The following TMEM184A variants were observed in gnomAD, a reference collection of about 807,000 sequenced individuals.
TMEM184A encodes the protein sexually dimorphic, expressed in male gonads 1.
Under a neutral mutation model 39.5 loss-of-function variants are expected in TMEM184A, and 40 were observed. The ratio of observed to expected loss-of-function variants is 1.01; its 90% CI spans 0.79 to 1.32. The LOEUF is 1.32. Ranked by LOEUF, TMEM184A falls within the 40% of genes most tolerant of loss-of-function variation. The probability of loss-of-function intolerance (pLI) is 0.00; values close to 1 mark genes in which losing one functional copy is unlikely to be tolerated. For missense variants in TMEM184A, 603 were observed against 568.8 expected, an observed-to-expected ratio of 1.06 and a Z score of -0.61; for synonymous variants, 280 against 252.3, an observed-to-expected ratio of 1.11 and a Z score of -1.04.
At position 1,544,570 on chromosome 7, in the gene TMEM184A, CCCCCTCGAGG is replaced by C. The variant is rs1784283269; in HGVS notation, c.*2372_*2381del. The C allele has an allele frequency of 1.3e-5, 2 of 152,400 alleles. No homozygotes were observed. Among genetic ancestry groups the C allele is most frequent in the Non-Finnish European group, 2.9e-5 (2 of 68,122 alleles). 9.4% of individuals were successfully genotyped at this position (152,400 alleles called of 1,614,324 possible). A position where few individuals can be genotyped will look rare whatever the true frequency, so the allele number is the denominator to read the frequency against. ...CCTCCCGCTCACATGCGCCCACGCT[CCCCCTCGAGG>C]CAGGTTGAGCCCCGGCCTGGACCGC... On this transcript the variant is annotated 3_prime_UTR_variant, in exon 9 of 9. Transcript: ENST00000297477.
rs1346520955 is a variant in TMEM184A at position 1,542,617 on chromosome 7, G to A, written c.*4335C>T. ...GAGCTGGGCCGGGGAAGCACGGTGTGTTCTGCTTTTCTTTTCAGATTGTTG... is the reference window on the plus strand; with the variant it reads ...GAGCTGGGCCGGGGAAGCACGGTGTATTCTGCTTTTCTTTTCAGATTGTTG... On this transcript the variant is annotated 3_prime_UTR_variant, in exon 9 of 9. Transcript: ENST00000297477. 6.6e-6 allele frequency: 1 copy of A among 152,438 alleles called. No individual in the cohort carries two copies. Among genetic ancestry groups the A allele is most frequent in the African/African-American group, 2.4e-5 (1 of 41,598 alleles). 9.4% of individuals were successfully genotyped at this position (152,438 alleles called of 1,614,324 possible). A position where few individuals can be genotyped will look rare whatever the true frequency, so the allele number is the denominator to read the frequency against.
At chr7:1,550,016 C>G in intron 5 of TMEM184A, 71 bp from the exon 6 acceptor site, 1 of 1,598,202 alleles carries the variant, frequency 6.3e-7, no homozygotes, top group Non-Finnish European at 8.5e-7. Context: ...ATTGGGGCAG[C>G]CAGCAATGAG....
At chr7:1,549,446 T>C (rs1480013014) in intron 6 of TMEM184A, 10 of 434,502 alleles carry the variant, frequency 2.3e-5, no homozygotes, top group Non-Finnish European at 4.8e-5. Flanking sequence ...GTGCCCTTAA[T>C]GCCAAGAGTG....
intron 2 of TMEM184A, among the ~76,000 whole-genome samples, chr7:1,551,602 A>G (rs1224360723): frequency 6.6e-6 from 1 of 152,242 alleles, no homozygotes; most frequent in Non-Finnish European, 1.5e-5. Context: ...TGTTAAATAC[A>G]TATTTCTGGT....
chr7:1,550,405 G>A lies in TMEM184A; in HGVS notation c.386-10C>T, dbSNP rs992816749. On this transcript the variant is annotated splice_polypyrimidine_tract_variant and intron_variant, in intron 3 of 8. Coordinates refer to ENST00000297477, the MANE Select transcript of TMEM184A (RefSeq NM_001097620.2). The stretch of plus-strand genomic sequence containing the variant: ...CTGTAAATGACAAAGGCTGCAGGGA[G>A]CACAGAGGGGGACCGGCTGTGAGCC... 6.2e-7 allele frequency: 1 copy of A among 1,607,022 alleles called. No individual in the cohort carries two copies.
rs529792592 is a variant in TMEM184A, at chr7:1,555,749, G to A, written c.1-265C>T. 1.7e-4 allele frequency among the ~76,000 whole-genome samples: 26 copies of A among 152,322 alleles called. No homozygotes were observed. The East Asian group carries it at 2.7e-3, about 16-fold the overall frequency. ...CCTTGTAAAACCAGCTTCCAACTCC[G>A]AGTCTCAGGCTTGCAGGGAGCCTGC... On this transcript the variant is annotated intron_variant, in intron 1 of 8. Coordinates refer to ENST00000297477, the MANE Select transcript of TMEM184A (RefSeq NM_001097620.2). The surrounding 1 kb of genome is among the most constrained non-coding windows in gnomAD (Gnocchi z 5.2).
intron 6 of TMEM184A, chr7:1,549,244 A>G (rs757022756): frequency 4.7e-6 from 2 of 422,320 alleles, no homozygotes; most frequent in Non-Finnish European, 9.3e-6. Flanking sequence ...CACGTGTGTG[A>G]TGTGTGCGCA....
rs1583227689 is a variant in TMEM184A at position 1,555,444 on chromosome 7, G to A, written c.41C>T (p.Pro14Leu). 3.7e-6 allele frequency: 6 copies of A among 1,610,440 alleles called. No homozygotes were observed. The East Asian group carries it at 1.3e-4, about 36-fold the overall frequency. ...VSGILETAGV[P>L]LVSANWPQPS... ...CTGCGGCCAGTTCGCTGACACCAGG[G>A]GGACGCCGGCTGTCTCCAGGATCCC... The change falls in exon 2 of 9, where the codon CCC becomes CTC. Residue 14 changes from proline to leucine, a missense_variant. Coordinates refer to ENST00000297477, the MANE Select transcript of TMEM184A (RefSeq NM_001097620.2). The surrounding 1 kb of genome is among the most constrained non-coding windows in gnomAD (Gnocchi z 5.2).
In TMEM184A at chr7:1,547,814, G is replaced by C; in HGVS notation, c.940C>G (p.Leu314Val). 2.5e-6 allele frequency: 4 copies of C among 1,612,758 alleles called. No homozygotes were observed. Among genetic ancestry groups the C allele is most frequent in the Non-Finnish European group, 3.4e-6 (4 of 1,179,830 alleles). The change falls in exon 8 of 9, where the codon CTG (leucine) becomes GTG (valine). Residue 314 changes from leucine to valine, a missense_variant. Physicochemically the swap from Leu to Val is conservative, Grantham distance 32. Coordinates refer to ENST00000297477, the MANE Select transcript of TMEM184A (RefSeq NM_001097620.2). ...YQNFIICVEM[L>V]FASVALRYAF... Reference sequence around the variant, plus strand: ...TAACGCAGGGCCACGGAGGCGAACAGCATCTCCACGCAGATGATGAAGTTC... The same window carrying C: ...TAACGCAGGGCCACGGAGGCGAACACCATCTCCACGCAGATGATGAAGTTC...
chr7:1,551,892 G>A (rs1292258892), intron 2 of TMEM184A, among the ~76,000 whole-genome samples: 1 of 151,854 alleles, frequency 6.6e-6, no homozygotes, highest in Non-Finnish European at 1.5e-5. Flanking sequence ...AACCAAGATT[G>A]CGCCACTGCA....
At chr7:1,548,144 G>A (rs909476379) in intron 7 of TMEM184A, among the ~76,000 whole-genome samples, 1 of 152,170 alleles carries the variant, frequency 6.6e-6, no homozygotes, top group Non-Finnish European at 1.5e-5. Context: ...GAGCTCTCCC[G>A]GGCCCGCCCT....
Position 1,544,674 on chromosome 7 carries a change from A to G in TMEM184A, c.*2278T>C, listed in dbSNP as rs1784288613. Reference sequence around the variant, plus strand: ...GGCTTTCCTTCGAGTCGTGTTGGAAAGAAGCAGAAGCAGCCTCACCCGTGG... The same window carrying G: ...GGCTTTCCTTCGAGTCGTGTTGGAAGGAAGCAGAAGCAGCCTCACCCGTGG... On this transcript the variant is annotated 3_prime_UTR_variant, in exon 9 of 9. Transcript: ENST00000297477. 1 of 152,258 alleles carries G rather than the reference A, an allele frequency of 6.6e-6. No individual in the cohort carries two copies. The highest frequency in any genetic ancestry group is 1.5e-5 in the Non-Finnish European group (1 of 68,060). 9.4% of individuals were successfully genotyped at this position (152,258 alleles called of 1,614,324 possible). A position where few individuals can be genotyped will look rare whatever the true frequency, so the allele number is the denominator to read the frequency against.
chr7:1,547,217 C>A (rs777484624), intron 8 of TMEM184A, 36 bp from the exon 9 acceptor site: 2 of 1,268,640 alleles, frequency 1.6e-6, no homozygotes, highest in East Asian at 2.3e-5. Context: ...CACCATCCCC[C>A]CTGCACTCCA....
At chr7:1,549,344 G>A (rs536174615) in intron 6 of TMEM184A, 2 of 404,676 alleles carry the variant, frequency 4.9e-6, no homozygotes, top group Non-Finnish European at 1.0e-5. Context: ...GGGGTGAGCT[G>A]TGTGGACCTT....
chr7:1,551,878 G>A (rs1230006271), intron 2 of TMEM184A, among the ~76,000 whole-genome samples: 1 of 151,946 alleles, frequency 6.6e-6, no homozygotes, highest in Non-Finnish European at 1.5e-5. Context: ...TGGAGGTTGC[G>A]GTGAACCAAG....
Position 1,550,442 on chromosome 7 carries a change from CG to C in TMEM184A, c.386-48del, listed in dbSNP as rs144325713. On this transcript the variant is annotated intron_variant, in intron 3 of 8. Coordinates refer to ENST00000297477, the MANE Select transcript of TMEM184A (RefSeq NM_001097620.2). ...ACCGGCTGTGAGCCCTGAGCTGCAC[CG>C]GGACCCCATGGCGCCCATCTCACCA... 6.5e-3 allele frequency: 9,788 copies of C among 1,509,654 alleles called. 314 individuals carry two copies. The African/African-American group carries it at 0.084, about 13-fold the overall frequency. 93.5% of individuals were successfully genotyped at this position (1,509,654 alleles called of 1,614,324 possible). A position where few individuals can be genotyped will look rare whatever the true frequency, so the allele number is the denominator to read the frequency against.
In TMEM184A at chr7:1,550,960, T is replaced by C; in HGVS notation, c.242A>G (p.Tyr81Cys). ...CHQIYLHLRS[Y>C]TVPQEQRYII... The stretch of plus-strand genomic sequence containing the variant: ...GTAACGTTGCTCCTGTGGCACGGTG[T>C]AGGAGCGCAGGTGCAGATAGATCTG... The change falls in exon 3 of 9, where the codon TAC becomes TGC. Residue 81 changes from tyrosine (Y) to cysteine (C), a missense_variant. By Grantham distance (194) the Tyr-to-Cys change is radical. Coordinates refer to ENST00000297477, the MANE Select transcript of TMEM184A (RefSeq NM_001097620.2). The C allele has an allele frequency of 6.2e-7, 1 of 1,612,846 alleles. No individual in the cohort carries two copies. Among genetic ancestry groups the C allele is most frequent in the Non-Finnish European group, 8.5e-7 (1 of 1,179,794 alleles).
intron 2 of TMEM184A, among the ~76,000 whole-genome samples, chr7:1,553,401 C>T (rs1162872028): frequency 6.6e-6 from 1 of 152,178 alleles, no homozygotes; most frequent in African/African-American, 2.4e-5. Context: ...GATCCACCCG[C>T]CTTGGCCTCC....
chr7:1,555,748 C>T lies in TMEM184A; in HGVS notation c.1-264G>A, dbSNP rs58188243. Reference sequence around the variant, plus strand: ...CCCTTGTAAAACCAGCTTCCAACTCCGAGTCTCAGGCTTGCAGGGAGCCTG... The same window carrying T: ...CCCTTGTAAAACCAGCTTCCAACTCTGAGTCTCAGGCTTGCAGGGAGCCTG... On this transcript the variant is annotated intron_variant, in intron 1 of 8. Transcript: ENST00000297477. This position sits in a 1 kb window ranked among gnomAD's most constrained non-coding sequence, Gnocchi z 5.2. 2.8e-3 allele frequency among the ~76,000 whole-genome samples: 430 copies of T among 152,310 alleles called. 3 individuals carry two copies. The highest frequency in any genetic ancestry group is 9.7e-3 in the African/African-American group (403 of 41,578).
Sources: allele counts gnomAD v4.1 joint callset (sites outside exome capture counted in the v4.1 genomes callset), GRCh38; gene constraint gnomAD v4.1.1; non-coding constraint Gnocchi (gnomAD v3.1); transcripts MANE v1.5; gene names NCBI Gene and HGNC (gene_info 2026-07-23, HGNC 2026-07-21).